Variants in POLN observed in about 807,000 individuals in gnomAD.
POLN encodes the protein DNA polymerase N.
POLN carries 108 observed loss-of-function variants against 113.5 expected under a neutral mutation model. That is an observed-to-expected ratio of 0.95 (90% CI 0.81 to 1.12). The LOEUF (loss-of-function observed/expected upper bound fraction) is 1.12. POLN is among the 50% of genes most tolerant of loss of function. POLN has a pLI of 0.00. For synonymous variants in POLN, 386 were observed against 391.5 expected (o/e 0.99, Z 0.17); for missense variants, 1,097 against 1,077.1 (o/e 1.02, Z -0.26).
intron 3 of POLN, among the ~76,000 whole-genome samples, chr4:2,225,482 G>A (rs1256788373): frequency 6.6e-6 from 1 of 151,388 alleles, no homozygotes; most frequent in African/African-American, 2.4e-5. Flanking sequence ...TTGAACCCAG[G>A]AGGGGGGGTT....
rs530622556 is a variant in POLN at position 2,080,062 on chromosome 4, G to A, written c.2387+896C>T. ...GCTCTTAGGGTGGGGGTGGGAAAAC[G>A]TCCATGGTGTGTCAGAGGGCGAGGG... On this transcript the variant is annotated intron_variant, in intron 23 of 25. Coordinates refer to ENST00000511885, the MANE Select transcript of POLN (RefSeq NM_181808.4). 7.1e-4 allele frequency: 700 copies of A among 985,518 alleles called. 4 individuals are homozygous for A. The African/African-American group carries it at 8.7e-3, about 12-fold the overall frequency. The allele number at this position is 985,518 out of a possible 1,614,324, so 61.0% of individuals were successfully genotyped here. A position where few individuals can be genotyped will look rare whatever the true frequency, so the allele number is the denominator to read the frequency against.
At chr4:2,214,918 C>CATATACATGT (rs1262179127) in intron 3 of POLN, among the ~76,000 whole-genome samples, 1 of 151,324 alleles carries the variant, frequency 6.6e-6, no homozygotes, top group Non-Finnish European at 1.5e-5. Flanking sequence ...TATACATATA[C>CATATACATGT]ATATATATGT....
chr4:2,221,927 C>G (rs1287569216), intron 3 of POLN, among the ~76,000 whole-genome samples: 2 of 152,162 alleles, frequency 1.3e-5, no homozygotes, highest in Non-Finnish European at 2.9e-5. Flanking sequence ...TCCCGCCTTA[C>G]CAGACCGAAC....
chr4:2,142,798 C>T (rs964517183), intron 16 of POLN, among the ~76,000 whole-genome samples: 4 of 152,112 alleles, frequency 2.6e-5, no homozygotes, highest in African/African-American at 9.7e-5. Flanking sequence ...CCAAACACCA[C>T]ACAAAAACCC....
intron 13 of POLN, among the ~76,000 whole-genome samples, chr4:2,163,211 G>A (rs995371533): frequency 6.6e-6 from 1 of 152,186 alleles, no homozygotes; most frequent in Non-Finnish European, 1.5e-5. Flanking sequence ...CATTAACAGT[G>A]GGCGGTATCT....
chr4:2,081,047 CGTG>C lies in POLN; in HGVS notation c.2309-14_2309-12del. 1 of 1,613,476 alleles carries C rather than the reference CGTG, an allele frequency of 6.2e-7. No individual in the cohort carries two copies. Among genetic ancestry groups the C allele is most frequent in the Non-Finnish European group, 8.5e-7 (1 of 1,179,960 alleles). Reference sequence around the variant, plus strand: ...GGTCAGCAGCGGAGCCTATGGGGCGCGTGGTACTGTCTTGAGGTCCCATGGCAC... The same window carrying C: ...GGTCAGCAGCGGAGCCTATGGGGCGCGTACTGTCTTGAGGTCCCATGGCAC... On this transcript the variant is annotated splice_polypyrimidine_tract_variant and intron_variant, in intron 22 of 25. Coordinates refer to ENST00000511885, the MANE Select transcript of POLN (RefSeq NM_181808.4).
At chr4:2,150,664 A>G (rs1177896872) in intron 16 of POLN, among the ~76,000 whole-genome samples, 1 of 152,228 alleles carries the variant, frequency 6.6e-6, no homozygotes, top group Non-Finnish European at 1.5e-5. Context: ...GACTGAGTTC[A>G]GAGTACAGTA....
At chr4:2,207,522 T>C (rs755327281) in intron 5 of POLN, among the ~76,000 whole-genome samples, 1 of 152,014 alleles carries the variant, frequency 6.6e-6, no homozygotes, top group Non-Finnish European at 1.5e-5. Flanking sequence ...TATCAGAATA[T>C]ATAAAGATCC....
At chr4:2,137,139 G>A (rs1248241681) in intron 16 of POLN, among the ~76,000 whole-genome samples, 1 of 152,236 alleles carries the variant, frequency 6.6e-6, no homozygotes, top group Non-Finnish European at 1.5e-5. Flanking sequence ...GGCTGAATGA[G>A]TAAGACGAAA....
chr4:2,238,579 TA>T, intron 2 of POLN: 5 of 1,413,354 alleles, frequency 3.5e-6, no homozygotes, highest in Admixed American at 2.3e-5. Flanking sequence ...AAATATTTAC[TA>T]AAGAAACAAT....
At chr4:2,214,383 G>A (rs2108766926) in intron 3 of POLN, among the ~76,000 whole-genome samples, 1 of 152,236 alleles carries the variant, frequency 6.6e-6, no homozygotes, top group Non-Finnish European at 1.5e-5. Context: ...AATAGGGCTG[G>A]TATAACTAGC....
At chr4:2,124,016 A>T (rs1332722876) in intron 19 of POLN, among the ~76,000 whole-genome samples, 1 of 152,178 alleles carries the variant, frequency 6.6e-6, no homozygotes, top group Non-Finnish European at 1.5e-5. Flanking sequence ...CAGCCTTAAA[A>T]AGGAATGAAG....
At chr4:2,094,669 T>C (rs886766076) in intron 20 of POLN, among the ~76,000 whole-genome samples, 2 of 152,136 alleles carry the variant, frequency 1.3e-5, no homozygotes, top group African/African-American at 4.8e-5. Flanking sequence ...GGGGCAGGTG[T>C]TCCCATAGAG....
chr4:2,173,933 A>G (rs1489006963), intron 11 of POLN, 22 bp downstream of exon 11: 1 of 1,610,072 alleles, frequency 6.2e-7, no homozygotes, highest in African/African-American at 1.3e-5. Context: ...GCCAGTACAA[A>G]CCATCTGGAA....
intron 11 of POLN, among the ~76,000 whole-genome samples, chr4:2,172,248 C>A (rs1732879645): frequency 6.6e-6 from 1 of 152,148 alleles, no homozygotes; most frequent in South Asian, 2.1e-4. Context: ...AAACAAAAAA[C>A]AGGAACTTGA....
intron 5 of POLN, among the ~76,000 whole-genome samples, chr4:2,199,725 C>A (rs557116019): frequency 1.3e-5 from 2 of 152,146 alleles, no homozygotes; most frequent in East Asian, 3.9e-4. Context: ...TACAGGCACA[C>A]ACTGCCACAC....
intron 20 of POLN, 91 bp downstream of exon 20, chr4:2,095,760 G>T: frequency 8.4e-7 from 1 of 1,194,254 alleles, no homozygotes; most frequent in South Asian, 1.2e-5. Flanking sequence ...ACTCACAGAC[G>T]ATTTCTGAGG....
At chr4:2,185,484 G>C (rs1428145499) in intron 7 of POLN, among the ~76,000 whole-genome samples, 1 of 152,244 alleles carries the variant, frequency 6.6e-6, no homozygotes, top group Non-Finnish European at 1.5e-5. Context: ...GGTGGCCCAT[G>C]CCTGTAATCC....
chr4:2,085,460 C>A (rs35750087), intron 21 of POLN, among the ~76,000 whole-genome samples, 153 bp downstream of exon 21: 124 of 152,292 alleles, frequency 8.1e-4, no homozygotes, highest in African/African-American at 2.9e-3. Context: ...GAACCTTCAG[C>A]CTTATTTGTC....
Sources: gnomAD v4.1 joint callset for allele counts (sites outside exome capture counted in the v4.1 genomes callset) on GRCh38, gnomAD v4.1.1 for gene constraint, MANE v1.5 for transcripts, NCBI Gene and HGNC (gene_info 2026-07-23, HGNC 2026-07-21) for gene names.